The following PSD3 variants were observed in gnomAD, a reference collection of about 807,000 sequenced individuals.
PSD3 encodes the protein PH and SEC7 domain-containing protein 3.
In PSD3, 49 loss-of-function variants were observed where a neutral mutation model predicts 105.5. The ratio of observed to expected loss-of-function variants is 0.46; its 90% CI spans 0.37 to 0.59. PSD3 has a LOEUF of 0.59. PSD3 is among the 20% of genes least tolerant of loss of function. The pLI, the probability that PSD3 is intolerant of heterozygous loss-of-function variation, is 0.00. For missense variants in PSD3, 1,561 were observed against 1,263.8 expected (o/e 1.24, Z -3.57); for synonymous variants, 557 against 457.8 (o/e 1.22, Z -2.77).
At chr8:19,018,752 C>A (rs1386939062) in intron 1 of PSD3, among the ~76,000 whole-genome samples, 1 of 152,134 alleles carries the variant, frequency 6.6e-6, no homozygotes, top group Non-Finnish European at 1.5e-5. Context: ...GTCTGAACAT[C>A]AAAAATTTGA....
intron 1 of PSD3, among the ~76,000 whole-genome samples, chr8:18,952,020 T>C (rs1243474180): frequency 2.0e-5 from 3 of 152,112 alleles, no homozygotes; most frequent in Admixed American, 6.6e-5. Flanking sequence ...AAATGTTCCT[T>C]GCTACATAAG....
At chr8:18,714,536 A>G (rs551252749) in intron 9 of PSD3, among the ~76,000 whole-genome samples, 14 of 152,288 alleles carry the variant, frequency 9.2e-5, no homozygotes, top group African/African-American at 3.4e-4. Flanking sequence ...AAAACCCTCA[A>G]TATCGCTAGT....
chr8:18,561,909 G>A (rs1488838453), intron 14 of PSD3, among the ~76,000 whole-genome samples: 1 of 152,120 alleles, frequency 6.6e-6, no homozygotes, highest in Non-Finnish European at 1.5e-5. Context: ...CCGGTGCAAA[G>A]CCCAGGACCA....
At chr8:18,727,291 C>T (rs932994206) in intron 9 of PSD3, among the ~76,000 whole-genome samples, 5 of 140,568 alleles carry the variant, frequency 3.6e-5, no homozygotes, top group African/African-American at 8.1e-5. Context: ...GAGCCGAGAT[C>T]GCACTACTGC....
intron 1 of PSD3, among the ~76,000 whole-genome samples, chr8:18,962,215 C>T (rs924753561): frequency 2.0e-5 from 3 of 151,480 alleles, no homozygotes; most frequent in Non-Finnish European, 4.4e-5. Flanking sequence ...CACTGCACTA[C>T]AGCATGGGTG....
rs73590664 is a variant in PSD3 at position 18,979,442 on chromosome 8, T to C, written c.21+34121A>G. ...ACTGTTGGCATTTGGATTAATAGAA[T>C]CAATAGTATCTTTCATTCCAAAACC... On this transcript the variant is annotated intron_variant, in intron 1 of 15. Coordinates refer to ENST00000327040, the MANE Select transcript of PSD3 (RefSeq NM_015310.4). 5.1e-3 allele frequency among the ~76,000 whole-genome samples: 774 copies of C among 152,342 alleles called. 7 individuals carry two copies. Among genetic ancestry groups the C allele is most frequent in the African/African-American group, 0.018 (729 of 41,580 alleles).
intron 4 of PSD3, among the ~76,000 whole-genome samples, chr8:18,819,290 G>A (rs1200374736): frequency 6.6e-6 from 1 of 152,114 alleles, no homozygotes; most frequent in Non-Finnish European, 1.5e-5. Context: ...AGAGTCTAAA[G>A]GAGAGGATAA....
intron 4 of PSD3, among the ~76,000 whole-genome samples, chr8:18,805,242 A>C (rs1477369033): frequency 6.6e-6 from 1 of 152,218 alleles, no homozygotes; most frequent in African/African-American, 2.4e-5. Context: ...ACTTAAAAAT[A>C]AATCTGTTTT....
chr8:18,838,537 C>T (rs1408459467), intron 4 of PSD3, among the ~76,000 whole-genome samples: 1 of 152,056 alleles, frequency 6.6e-6, no homozygotes, highest in East Asian at 1.9e-4. Context: ...CGTGGTGGCT[C>T]ATGCCTGTAA....
intron 2 of PSD3, among the ~76,000 whole-genome samples, chr8:18,881,080 T>A (rs60671877): frequency 5.9e-4 from 90 of 152,362 alleles, no homozygotes; most frequent in African/African-American, 2.1e-3. Context: ...AGAGACTTTA[T>A]CTGCGGCTTT....
intron 2 of PSD3, among the ~76,000 whole-genome samples, chr8:18,930,569 A>ATT (rs5889836): frequency 1.7e-4 from 22 of 133,084 alleles, no homozygotes; most frequent in Non-Finnish European, 1.7e-4. Flanking sequence ...AACTTTTTCA[A>ATT]TTTTTTTTTT....
At chr8:18,568,043 C>T (rs1378435342) in intron 14 of PSD3, among the ~76,000 whole-genome samples, 1 of 152,170 alleles carries the variant, frequency 6.6e-6, no homozygotes, top group East Asian at 1.9e-4. Flanking sequence ...TGCCATGTGA[C>T]ACATCTGTTT....
Position 18,530,277 on chromosome 8 carries a change from C to A in PSD3, c.*5466G>T, listed in dbSNP as rs1799581196. On this transcript the variant is annotated 3_prime_UTR_variant, in exon 16 of 16. Coordinates refer to ENST00000327040, the MANE Select transcript of PSD3 (RefSeq NM_015310.4). ...CCAGTGGCTCTTCTTTGGGGAGAGG[C>A]AGGAAAAAGAGACCTAAGTATAAAA... The A allele has an allele frequency of 6.6e-6, 1 of 152,516 alleles. No individual in the cohort carries two copies. The highest frequency in any genetic ancestry group is 2.1e-4 in the South Asian group (1 of 4,808). The allele number at this position is 152,516 out of a possible 1,614,324, so 9.4% of individuals were successfully genotyped here.
At chr8:18,665,469 T>C (rs375862538) in intron 9 of PSD3, among the ~76,000 whole-genome samples, 10 of 152,322 alleles carry the variant, frequency 6.6e-5, no homozygotes, top group East Asian at 3.9e-4. Context: ...TGAGGATTTG[T>C]ATGGATGAGC....
chr8:18,730,703 A>C (rs1355346363), intron 9 of PSD3, among the ~76,000 whole-genome samples: 1 of 152,226 alleles, frequency 6.6e-6, no homozygotes, highest in African/African-American at 2.4e-5. Context: ...TAATTGCCTC[A>C]GCTGTAACAA....
At chr8:18,755,679 TG>T (rs1805977886) in intron 9 of PSD3, among the ~76,000 whole-genome samples, 1 of 152,084 alleles carries the variant, frequency 6.6e-6, no homozygotes. Flanking sequence ...TTTCTTTTTT[TG>T]GGGGTTAAAA....
At position 18,915,606 on chromosome 8, in the gene PSD3, C is replaced by G. The variant is rs1820530577; in HGVS notation, c.130+20428G>C. 2.6e-5 allele frequency among the ~76,000 whole-genome samples: 4 copies of G among 152,036 alleles called. No individual in the cohort carries two copies. In the South Asian group the frequency reaches 8.3e-4, roughly 32 times the overall value. On this transcript the variant is annotated intron_variant, in intron 2 of 15. Coordinates refer to ENST00000327040, the MANE Select transcript of PSD3 (RefSeq NM_015310.4). Reference sequence around the variant, plus strand: ...TCTCAAAAGAAGACATACAAATGGCCAACAGATATATTTTAAAATGCTGAA... The same window carrying G: ...TCTCAAAAGAAGACATACAAATGGCGAACAGATATATTTTAAAATGCTGAA...
At position 18,971,501 on chromosome 8, in the gene PSD3, C is replaced by A. The variant is rs182667715; in HGVS notation, c.22-35359G>T. On this transcript the variant is annotated intron_variant, in intron 1 of 15. Transcript: ENST00000327040. ...TGAGAAAATACCAGAATGGGTGGGG[C>A]TGATTGTGCTCAGATCACAGGCCCA... 2.8e-3 allele frequency among the ~76,000 whole-genome samples: 429 copies of A among 152,282 alleles called. 1 individual carries two copies. Among genetic ancestry groups the A allele is most frequent in the South Asian group, 0.012 (58 of 4,826 alleles).
chr8:18,658,759 T>C (rs1809088371), intron 9 of PSD3, among the ~76,000 whole-genome samples: 1 of 152,130 alleles, frequency 6.6e-6, no homozygotes, highest in African/African-American at 2.4e-5. Context: ...GTCAAATACC[T>C]AAACACTACC....
Sources: gnomAD v4.1 joint callset for allele counts (sites outside exome capture counted in the v4.1 genomes callset) on GRCh38, gnomAD v4.1.1 for gene constraint, MANE v1.5 for transcripts, NCBI Gene and HGNC (gene_info 2026-07-23, HGNC 2026-07-21) for gene names.